Variants in ARHGAP32 observed in about 807,000 individuals in gnomAD.
ARHGAP32 encodes the protein rho GTPase-activating protein 32.
Under a neutral mutation model 186.5 loss-of-function variants are expected in ARHGAP32, and 51 were observed. The observed-to-expected ratio is 0.27, with a 90% CI of 0.22 to 0.35. The LOEUF is 0.35. ARHGAP32 is among the 10% of genes least tolerant of loss of function. ARHGAP32 has a pLI of 1.00. For synonymous variants in ARHGAP32, 950 were observed against 964.3 expected (o/e 0.99, Z 0.27); for missense variants, 2,186 against 2,623.5 (o/e 0.83, Z 3.64).
At chr11:129,193,499 A>AAT (rs1555111155), upstream of ARHGAP32, among the ~76,000 whole-genome samples, 12 of 64,360 alleles carry the variant, frequency 1.9e-4, 1 homozygote, top group Admixed American at 2.5e-4. Flanking sequence ...AAAAAAAAAA[A>AAT]ATATATATAT....
At chr11:129,082,989 T>C (rs1267343223) in intron 6 of ARHGAP32, among the ~76,000 whole-genome samples, 3 of 151,960 alleles carry the variant, frequency 2.0e-5, no homozygotes, top group Admixed American at 6.6e-5. Context: ...AACAAACATA[T>C]GAAAAAATGC....
intron 11 of ARHGAP32, among the ~76,000 whole-genome samples, chr11:129,012,401 T>C (rs1050867419): frequency 1.3e-5 from 2 of 152,200 alleles, no homozygotes; most frequent in Non-Finnish European, 2.9e-5. Flanking sequence ...TGAAGCTCTA[T>C]CCACTTTAAA....
chr11:129,018,228 G>C (rs931773969), intron 11 of ARHGAP32, among the ~76,000 whole-genome samples: 4 of 152,060 alleles, frequency 2.6e-5, no homozygotes, highest in African/African-American at 9.7e-5. Context: ...ACAGCCTTAA[G>C]CCAGGGCAAA....
chr11:129,030,970 C>G (rs530807170), intron 11 of ARHGAP32, among the ~76,000 whole-genome samples: 1 of 152,224 alleles, frequency 6.6e-6, no homozygotes, highest in East Asian at 1.9e-4. Flanking sequence ...GCTCCCACTT[C>G]GCTTTCAACC....
intron 15 of ARHGAP32, among the ~76,000 whole-genome samples, chr11:128,983,819 C>T (rs1460606565): frequency 6.6e-6 from 1 of 152,036 alleles, no homozygotes; most frequent in Non-Finnish European, 1.5e-5. Context: ...ATTTGGTTTG[C>T]CTATCTGATT....
intron 1 of ARHGAP32, among the ~76,000 whole-genome samples, chr11:129,269,012 T>C (rs1290230174): frequency 2.0e-5 from 3 of 152,214 alleles, no homozygotes; most frequent in African/African-American, 7.2e-5. Context: ...GGCTCATGCC[T>C]ATAATCCCAG....
At chr11:129,047,424 A>T (rs1192172890) in intron 10 of ARHGAP32, among the ~76,000 whole-genome samples, 1 of 152,056 alleles carries the variant, frequency 6.6e-6, no homozygotes, top group East Asian at 1.9e-4. Flanking sequence ...ATTTCCCCCC[A>T]AGGTACTTAT....
chr11:129,127,841 T>C (rs1481732587), intron 2 of ARHGAP32, among the ~76,000 whole-genome samples: 1 of 152,148 alleles, frequency 6.6e-6, no homozygotes, highest in Non-Finnish European at 1.5e-5. Context: ...TATAATATCA[T>C]CAACACAGTA....
chr11:129,000,530 G>A (rs780668108), intron 11 of ARHGAP32, among the ~76,000 whole-genome samples: 7 of 152,092 alleles, frequency 4.6e-5, no homozygotes, highest in East Asian at 3.8e-4. Flanking sequence ...TTATGGGTAC[G>A]TATTTTGATA....
At chr11:129,193,495 A>AT (rs1194993619), upstream of ARHGAP32, among the ~76,000 whole-genome samples, 383 of 96,258 alleles carry the variant, frequency 4.0e-3, 19 homozygotes, top group Admixed American at 5.0e-3. Flanking sequence ...AAAAAAAAAA[A>AT]AAAAATATAT....
Position 128,981,568 on chromosome 11 carries a change from G to A in ARHGAP32, c.1635-7C>T. ...AGATTCTATCTGTTTTGATCTGTGA[G>A]GTAAACATTTTCATCACAGAGTTGT... is the stretch of plus-strand genomic sequence containing the variant. On this transcript the variant is annotated splice_polypyrimidine_tract_variant and splice_region_variant and intron_variant, in intron 16 of 22. Coordinates refer to ENST00000682385, the MANE Select transcript of ARHGAP32 (RefSeq NM_001378024.1). The A allele has an allele frequency of 1.2e-6, 2 of 1,604,122 alleles. No homozygotes were observed. Among genetic ancestry groups the A allele is most frequent in the Non-Finnish European group, 1.7e-6 (2 of 1,173,544 alleles).
intron 11 of ARHGAP32, among the ~76,000 whole-genome samples, chr11:129,028,403 TGGG>T (rs1201804201): frequency 6.6e-6 from 1 of 151,918 alleles, no homozygotes; most frequent in African/African-American, 2.4e-5. Flanking sequence ...AGGTAAGAAA[TGGG>T]GGGAAAAAAT....
At chr11:129,255,110 G>T (rs138738676) in intron 1 of ARHGAP32, among the ~76,000 whole-genome samples, 1 of 152,162 alleles carries the variant, frequency 6.6e-6, no homozygotes, top group Non-Finnish European at 1.5e-5. Context: ...AATAAAGCTG[G>T]ATACATTAAA....
chr11:129,122,785 G>A (rs560629711), intron 5 of ARHGAP32, among the ~76,000 whole-genome samples: 1 of 152,176 alleles, frequency 6.6e-6, no homozygotes, highest in Admixed American at 6.5e-5. Context: ...TCTACATGTT[G>A]TGTGTAGAAA....
chr11:129,086,820 C>CA (rs150471534), intron 6 of ARHGAP32, among the ~76,000 whole-genome samples: 9,952 of 77,608 alleles, frequency 0.13, 561 homozygotes, highest in African/African-American at 0.19. Context: ...GACTCCATCT[C>CA]AAAAAAAAAA....
In ARHGAP32 at chr11:129,018,193, A is replaced by C. The variant is rs992884332; in HGVS notation, c.1046-19725T>G. 3.3e-5 allele frequency among the ~76,000 whole-genome samples: 5 copies of C among 152,270 alleles called. No individual in the cohort carries two copies. In the East Asian group the frequency reaches 5.8e-4, roughly 18 times the overall value. On this transcript the variant is annotated intron_variant, in intron 11 of 22. Coordinates refer to ENST00000682385, the MANE Select transcript of ARHGAP32 (RefSeq NM_001378024.1). Reference sequence around the variant, plus strand: ...ATAAATGAGTGCAATAGACTTGAAAAGGCAAGTGGCAATTTAAAAAAATAA... The same window carrying C: ...ATAAATGAGTGCAATAGACTTGAAACGGCAAGTGGCAATTTAAAAAAATAA...
intron 1 of ARHGAP32, among the ~76,000 whole-genome samples, chr11:129,199,379 G>C (rs969172845): frequency 1.3e-5 from 2 of 152,244 alleles, no homozygotes; most frequent in African/African-American, 4.8e-5. Flanking sequence ...CAGAGGCCTA[G>C]GAAGAAAAAT....
intron 1 of ARHGAP32, among the ~76,000 whole-genome samples, chr11:129,179,565 C>T (rs559816804): frequency 4.1e-4 from 62 of 151,412 alleles, no homozygotes; most frequent in African/African-American, 8.0e-4. Context: ...CAATGATAGA[C>T]TGGATTAAGA....
chr11:129,226,763 CACA>C (rs1176460857), intron 1 of ARHGAP32, among the ~76,000 whole-genome samples: 2 of 152,050 alleles, frequency 1.3e-5, no homozygotes, highest in African/African-American at 4.8e-5. Flanking sequence ...ACAAGAGACA[CACA>C]ACACACTATA....
Sources: allele counts gnomAD v4.1 joint callset (sites outside exome capture counted in the v4.1 genomes callset), GRCh38; gene constraint gnomAD v4.1.1; transcripts MANE v1.5; gene names NCBI Gene and HGNC (gene_info 2026-07-23, HGNC 2026-07-21).